Variants in RAPGEF3 observed in about 807,000 individuals in gnomAD.
RAPGEF3 encodes Rap guanine nucleotide exchange factor 3, also known as 9330170P05Rik.
In RAPGEF3, 103 loss-of-function variants were observed where a neutral mutation model predicts 129.8. That is an observed-to-expected ratio of 0.79 (90% CI 0.68 to 0.93). RAPGEF3 has a LOEUF of 0.93. RAPGEF3 is among the 40% of genes least tolerant of loss of function. The pLI, the probability that RAPGEF3 is intolerant of heterozygous loss-of-function variation, is 0.00. For synonymous variants in RAPGEF3, 436 were observed against 482.6 expected (o/e 0.90, Z 1.26); for missense variants, 1,117 against 1,207.4 (o/e 0.93, Z 1.11).
intron 2 of RAPGEF3, among the ~76,000 whole-genome samples, chr12:47,754,397 C>G (rs7963444): frequency 0.35 from 53,027 of 152,098 alleles, 9,712 homozygotes; most frequent in Admixed American, 0.48. Context: ...TGTGTGCCTG[C>G]CAACCTTCTA....
rs373216242 is a variant in RAPGEF3, at chr12:47,737,527, G to C, written c.*40C>G. 1.9e-6 allele frequency: 3 copies of C among 1,579,246 alleles called. No homozygotes were observed. The highest frequency in any genetic ancestry group is 2.3e-5 in the East Asian group (1 of 44,406). On this transcript the variant is annotated 3_prime_UTR_variant, in exon 28 of 28. Coordinates refer to ENST00000449771, the MANE Select transcript of RAPGEF3 (RefSeq NM_001098531.4). Reference sequence around the variant, plus strand: ...TGGCCCGGCACACCCTGGCTTTCCCGGCTGCAAGTGCCTGCTCCAGCTCCA... The same window carrying C: ...TGGCCCGGCACACCCTGGCTTTCCCCGCTGCAAGTGCCTGCTCCAGCTCCA...
At chr12:47,737,858 G>A (rs950591940) in intron 27 of RAPGEF3, among the ~76,000 whole-genome samples, 164 bp downstream of exon 27, 3 of 152,116 alleles carry the variant, frequency 2.0e-5, no homozygotes, top group African/African-American at 4.8e-5. Context: ...TGAGGGGACC[G>A]AAGAGCCCCC....
Position 47,758,806 on chromosome 12 carries a change from A to G in RAPGEF3, c.-250T>C. 7 of 1,233,870 alleles carry G rather than the reference A, an allele frequency of 5.7e-6. No individual in the cohort carries two copies. Among genetic ancestry groups the G allele is most frequent in the Non-Finnish European group, 7.1e-6 (7 of 985,890 alleles). The allele number at this position is 1,233,870 out of a possible 1,614,324, so 76.4% of individuals were successfully genotyped here. A position where few individuals can be genotyped will look rare whatever the true frequency, so the allele number is the denominator to read the frequency against. ...GGGACGCCACCCAGCCACCGGCGAC[A>G]GGGAGCCCCGAGCCTGCGCCTTCGT... On this transcript the variant is annotated 5_prime_UTR_variant, in exon 1 of 28. Coordinates refer to ENST00000449771, the MANE Select transcript of RAPGEF3 (RefSeq NM_001098531.4).
intron 1 of RAPGEF3, 200 bp from the exon 2 acceptor site, chr12:47,758,278 C>T (rs1237959496): frequency 7.0e-6 from 10 of 1,430,438 alleles, no homozygotes; most frequent in Non-Finnish European, 9.1e-6. Flanking sequence ...TTAGGGGTCT[C>T]CAGCTGGCTC....
At position 47,737,601 on chromosome 12, in the gene RAPGEF3, T is replaced by C. The variant is rs749878386; in HGVS notation, c.2738A>G (p.Glu913Gly). ...QQLKVIDNQRELSRLSRELEP is the reference protein window; with the variant it reads ...QQLKVIDNQRGLSRLSRELEP ...CAGCTCTCGGGAGAGGCGGGAGAGT[T>C]CCCGCTGGTTGTCAATGACCTTCAG... Residue 913 changes from glutamate (E) to glycine (G), a missense_variant, in exon 28 of 28, where the codon GAA becomes GGA. Physicochemically the swap from Glu to Gly is moderately conservative, Grantham distance 98. Around this residue, in one of 3 missense-constraint regions of RAPGEF3, gnomAD observed 643 missense variants for 673.4 expected, o/e 0.95. Transcript: ENST00000449771. 5.0e-6 allele frequency: 8 copies of C among 1,604,008 alleles called. No individual in the cohort carries two copies. Among genetic ancestry groups the C allele is most frequent in the Non-Finnish European group, 6.8e-6 (8 of 1,176,106 alleles).
At chr12:47,754,876 A>T (rs1185288176) in intron 2 of RAPGEF3, among the ~76,000 whole-genome samples, 1 of 152,206 alleles carries the variant, frequency 6.6e-6, no homozygotes, top group Non-Finnish European at 1.5e-5. Context: ...AGGGCGGAAG[A>T]GGAGGCACTA....
At position 47,749,937 on chromosome 12, in the gene RAPGEF3, C is replaced by A. The variant is rs563247888; in HGVS notation, c.810G>T (p.Gly270=). 87 of 1,614,246 alleles carry A rather than the reference C, an allele frequency of 5.4e-5. No individual in the cohort carries two copies. In the East Asian group the frequency reaches 9.8e-4, roughly 18 times the overall value. ...VLLFEPHSKA[G]TVLFSQGDKG... is the part of the protein sequence containing the mutation. ...ATGCCCTGCTGGACTTACACACGGT[C>A]CCTGCCTTGCTGTGTGGTTCAAAGA... The change falls in exon 8 of 28, where the codon GGG becomes GGT. Residue 270 remains glycine, a synonymous_variant. Coordinates refer to ENST00000449771, the MANE Select transcript of RAPGEF3 (RefSeq NM_001098531.4). This position sits in a 1 kb window ranked among gnomAD's most constrained non-coding sequence, Gnocchi z 4.5.
intron 23 of RAPGEF3, chr12:47,739,499 C>A: frequency 1.5e-6 from 1 of 657,022 alleles, no homozygotes; most frequent in Non-Finnish European, 2.8e-6. Context: ...CTGTCCCTTT[C>A]TATCCCTGTC....
intron 23 of RAPGEF3, 119 bp downstream of exon 23, chr12:47,740,022 G>A: frequency 7.7e-7 from 1 of 1,300,344 alleles, no homozygotes. Flanking sequence ...TGGGAACCCT[G>A]AAAGTGACAA....
chr12:47,748,250 C>T (rs1385443678), intron 12 of RAPGEF3, 98 bp from the exon 13 acceptor site: 2 of 1,112,638 alleles, frequency 1.8e-6, no homozygotes, highest in South Asian at 1.4e-5. Flanking sequence ...CCACATCCCA[C>T]CACCTGCAAG....
chr12:47,756,838 G>A lies in RAPGEF3; in HGVS notation c.219+1028C>T, dbSNP rs960102507. ...ACAAAAATTAGCTGGGCGTGGTGGC[G>A]CACACCTGTAGCCCCAGCTACTCAG... On this transcript the variant is annotated intron_variant, in intron 2 of 27. Transcript: ENST00000449771. Among the ~76,000 whole-genome samples, 15 of 151,954 alleles carry A rather than the reference G, an allele frequency of 9.9e-5. No homozygotes were observed. In the East Asian group the frequency reaches 1.2e-3, roughly 12 times the overall value.
intron 2 of RAPGEF3, chr12:47,754,143 T>G (rs1003550584): frequency 2.0e-5 from 3 of 152,248 alleles, no homozygotes; most frequent in African/African-American, 7.2e-5. Flanking sequence ...GCCCTAACTG[T>G]TGGTCAATAA....
At position 47,749,487 on chromosome 12, in the gene RAPGEF3, A is replaced by C; in HGVS notation, c.944T>G (p.Leu315Arg). The C allele has an allele frequency of 6.2e-7, 1 of 1,612,902 alleles. No individual in the cohort carries two copies. Among genetic ancestry groups the C allele is most frequent in the African/African-American group, 1.3e-5 (1 of 75,032 alleles). Reference sequence around the variant, plus strand: ...GGCTGCCCGGGGTGCATCATTCACCAGAGCCAGCTGTCCAAAATCATCTCC... The same window carrying C: ...GGCTGCCCGGGGTGCATCATTCACCCGAGCCAGCTGTCCAAAATCATCTCC... Reference protein sequence around the residue: ...HEGDDFGQLALVNDAPRAATI... With the variant: ...HEGDDFGQLARVNDAPRAATI... The change falls in exon 10 of 28, where the codon CTG (leucine) becomes CGG (arginine). Residue 315 changes from leucine (L) to arginine (R), a missense_variant. Leu to Arg is a moderately radical substitution (Grantham distance 102, BLOSUM62 -2). Coordinates refer to ENST00000449771, the MANE Select transcript of RAPGEF3 (RefSeq NM_001098531.4). The surrounding 1 kb of genome is among the most constrained non-coding windows in gnomAD (Gnocchi z 4.5).
intron 13 of RAPGEF3, 26 bp downstream of exon 13, chr12:47,748,047 AC>A (rs1941526395): frequency 1.0e-5 from 16 of 1,561,102 alleles, no homozygotes; most frequent in African/African-American, 1.4e-5. Flanking sequence ...CCCCATGCAC[AC>A]CATCCCCCTG....
chr12:47,743,865 G>T, intron 17 of RAPGEF3, 122 bp downstream of exon 17: 1 of 1,348,146 alleles, frequency 7.4e-7, no homozygotes. Flanking sequence ...AGACCCTGAG[G>T]AGTACAGCGT....
At chr12:47,751,004 C>T (rs1941706477) in intron 6 of RAPGEF3, 44 bp downstream of exon 6, 4 of 1,573,010 alleles carry the variant, frequency 2.5e-6, no homozygotes, top group Non-Finnish European at 2.6e-6. Context: ...AATCTGAGTG[C>T]TGTGTGAGGC....
At chr12:47,748,641 C>A in intron 11 of RAPGEF3, 99 bp from the exon 12 acceptor site, 1 of 1,149,648 alleles carries the variant, frequency 8.7e-7, no homozygotes, top group Non-Finnish European at 1.3e-6. Flanking sequence ...TCTCCATTAG[C>A]CAGCCCTGTC....
In RAPGEF3 at chr12:47,739,270, TA is replaced by T. The variant is rs759472204; in HGVS notation, c.2374-41del. 23 of 1,506,226 alleles carry T rather than the reference TA, an allele frequency of 1.5e-5. No individual in the cohort carries two copies. The African/African-American group carries it at 3.2e-4, about 21-fold the overall frequency. 93.3% of individuals were successfully genotyped at this position (1,506,226 alleles called of 1,614,324 possible). A position where few individuals can be genotyped will look rare whatever the true frequency, so the allele number is the denominator to read the frequency against. On this transcript the variant is annotated intron_variant, in intron 23 of 27. Coordinates refer to ENST00000449771, the MANE Select transcript of RAPGEF3 (RefSeq NM_001098531.4). Reference sequence around the variant, plus strand: ...CACACTGAGGGGGTTGCACACACCATAAGCCACCACAGACCCCACCCAACCA... The same window carrying T: ...CACACTGAGGGGGTTGCACACACCATAGCCACCACAGACCCCACCCAACCA...
In RAPGEF3 at chr12:47,749,113, C is replaced by T; in HGVS notation, c.1042-182G>A. On this transcript the variant is annotated intron_variant, in intron 10 of 27. Coordinates refer to ENST00000449771, the MANE Select transcript of RAPGEF3 (RefSeq NM_001098531.4). The surrounding 1 kb of genome is among the most constrained non-coding windows in gnomAD (Gnocchi z 4.5). ...TCCCTACCTTCCATGCATCCTGCCT[C>T]CCCCACAGCCTAGTCCCCCGCCCCC... 1 of 647,188 alleles carries T rather than the reference C, an allele frequency of 1.5e-6. No homozygotes were observed. Among genetic ancestry groups the T allele is most frequent in the South Asian group, 1.9e-5 (1 of 53,500 alleles). The allele number at this position is 647,188 out of a possible 1,614,324, so 40.1% of individuals were successfully genotyped here.
Sources: allele counts gnomAD v4.1 joint callset (sites outside exome capture counted in the v4.1 genomes callset), GRCh38; gene constraint gnomAD v4.1.1; regional missense constraint gnomAD v4.1.1; non-coding constraint Gnocchi (gnomAD v3.1); transcripts MANE v1.5; gene names NCBI Gene and HGNC (gene_info 2026-07-23, HGNC 2026-07-21).